The following FBXO4 variants were observed in gnomAD, a reference collection of about 807,000 sequenced individuals.
FBXO4 encodes the protein F-box only protein 4.
In FBXO4, 36 loss-of-function variants were observed where a neutral mutation model predicts 43.7. The ratio of observed to expected loss-of-function variants is 0.82; its 90% CI spans 0.63 to 1.09. FBXO4 has a LOEUF of 1.09. Ranked by LOEUF, FBXO4 falls within the 50% of genes least tolerant of loss-of-function variation. The pLI, the probability that FBXO4 is intolerant of heterozygous loss-of-function variation, is 0.00. For missense variants in FBXO4, 435 were observed against 474.1 expected (o/e 0.92, Z 0.77); for synonymous variants, 180 against 165.6 (o/e 1.09, Z -0.67).
chr5:42,003,541 T>C, the FBXO4 span, among the ~76,000 whole-genome samples: 1 of 152,178 alleles, frequency 6.6e-6, no homozygotes, highest in Non-Finnish European at 1.5e-5. Context: ...AAATTACACT[T>C]TAAGTTCTAG....
At chr5:41,967,447 A>G in the FBXO4 span, 3 of 586,556 alleles carry the variant, frequency 5.1e-6, no homozygotes, top group Non-Finnish European at 9.9e-6. Context: ...ATATTACAAT[A>G]TCTGCAAGAA....
the FBXO4 span, among the ~76,000 whole-genome samples, chr5:42,002,666 A>G: frequency 3.9e-5 from 6 of 152,140 alleles, no homozygotes; most frequent in Non-Finnish European, 7.4e-5. Context: ...CTCTGTATCT[A>G]TGTCATCTAT....
At chr5:41,964,495 G>A in the FBXO4 span, among the ~76,000 whole-genome samples, 10 of 151,066 alleles carry the variant, frequency 6.6e-5, no homozygotes, top group African/African-American at 2.4e-4. Context: ...AAAGACAACA[G>A]GATACATCAC....
At chr5:42,032,359 A>G in the FBXO4 span, among the ~76,000 whole-genome samples, 1 of 152,192 alleles carries the variant, frequency 6.6e-6, no homozygotes, top group South Asian at 2.1e-4. Context: ...CAGAGATGCC[A>G]TATGGGAGTC....
intron 2 of FBXO4, among the ~76,000 whole-genome samples, chr5:41,927,967 G>A (rs769795325): frequency 5.9e-5 from 9 of 152,032 alleles, no homozygotes; most frequent in Non-Finnish European, 1.3e-4. Context: ...CAAATTTAAC[G>A]CATTATTTTA....
the FBXO4 span, among the ~76,000 whole-genome samples, chr5:41,965,126 T>C: frequency 2.0e-5 from 3 of 152,190 alleles, no homozygotes; most frequent in Non-Finnish European, 4.4e-5. Context: ...CCCAGCACCA[T>C]TTATGAAATA....
chr5:42,029,218 T>C, the FBXO4 span, among the ~76,000 whole-genome samples: 1 of 152,052 alleles, frequency 6.6e-6, no homozygotes, highest in African/African-American at 2.4e-5. Flanking sequence ...GGATATACTA[T>C]TCTAGGATAA....
chr5:41,935,932 T>TG (rs1751837629), intron 5 of FBXO4, among the ~76,000 whole-genome samples: 1 of 152,250 alleles, frequency 6.6e-6, no homozygotes, highest in Admixed American at 6.5e-5. Flanking sequence ...GGCAGCAGCA[T>TG]GCTGCTGGAA....
chr5:41,969,384 C>T, the FBXO4 span, among the ~76,000 whole-genome samples: 1 of 152,134 alleles, frequency 6.6e-6, no homozygotes, highest in African/African-American at 2.4e-5. Flanking sequence ...ATGCCGTTCT[C>T]CCCAATTACA....
At chr5:41,934,877 AG>A (rs1365174927) in intron 5 of FBXO4, 2 of 986,962 alleles carry the variant, frequency 2.0e-6, no homozygotes, top group East Asian at 1.1e-4. Flanking sequence ...TTGGGCCATG[AG>A]CTAGTATTAT....
At chr5:41,980,544 A>T in the FBXO4 span, among the ~76,000 whole-genome samples, 12 of 152,144 alleles carry the variant, frequency 7.9e-5, no homozygotes, top group Non-Finnish European at 1.5e-4. Flanking sequence ...TACAGGCAGG[A>T]GTTGTAAATT....
the FBXO4 span, among the ~76,000 whole-genome samples, chr5:41,984,926 T>C: frequency 3.3e-4 from 50 of 152,310 alleles, no homozygotes; most frequent in African/African-American, 1.1e-3. Context: ...TTTTCCTTCT[T>C]GCTGTCAGTA....
the FBXO4 span, among the ~76,000 whole-genome samples, chr5:41,976,112 G>C: frequency 2.6e-5 from 4 of 152,140 alleles, no homozygotes; most frequent in African/African-American, 9.7e-5. Flanking sequence ...AGCCATTCAT[G>C]AAGGATTTGT....
chr5:41,947,150 TC>T, the FBXO4 span, among the ~76,000 whole-genome samples: 1 of 152,190 alleles, frequency 6.6e-6, no homozygotes, highest in African/African-American at 2.4e-5. Flanking sequence ...GGATATTTCC[TC>T]CTTAGAGACA....
chr5:41,942,206 A>C (rs945072532), downstream of FBXO4, among the ~76,000 whole-genome samples: 15 of 152,178 alleles, frequency 9.9e-5, no homozygotes, highest in East Asian at 1.9e-4. Flanking sequence ...TTGAGGGGGC[A>C]GAATTTTGCC....
the FBXO4 span, among the ~76,000 whole-genome samples, chr5:41,957,122 A>G: frequency 5.8e-3 from 887 of 152,148 alleles, 8 homozygotes; most frequent in African/African-American, 0.017. Flanking sequence ...ATTTCATTCA[A>G]CTTCTAAGAT....
intron 3 of FBXO4, among the ~76,000 whole-genome samples, chr5:41,931,389 A>T (rs1034268473): frequency 4.6e-5 from 7 of 152,222 alleles, no homozygotes; most frequent in Non-Finnish European, 1.0e-4. Flanking sequence ...CACTAGGGTA[A>T]TAAATCACTG....
chr5:41,968,310 C>T, the FBXO4 span: 6 of 158,172 alleles, frequency 3.8e-5, no homozygotes, highest in South Asian at 6.7e-4. Context: ...GGCGGCAGCT[C>T]TGAGCGGGCT....
intron 5 of FBXO4, chr5:41,934,872 C>G (rs1751808942): frequency 1.0e-6 from 1 of 987,068 alleles, no homozygotes; most frequent in Non-Finnish European, 1.2e-6. Flanking sequence ...TATCATTGGG[C>G]CATGAGCTAG....
Sources: gnomAD v4.1 joint callset for allele counts (sites outside exome capture counted in the v4.1 genomes callset) on GRCh38, gnomAD v4.1.1 for gene constraint, MANE v1.5 for transcripts, NCBI Gene and HGNC (gene_info 2026-07-23, HGNC 2026-07-21) for gene names.